MCM5: variants seen among roughly 807,000 people sequenced by gnomAD.
MCM5 encodes DNA replication licensing factor MCM5.
A neutral mutation model predicts 79.9 loss-of-function variants in MCM5; 46 were observed. The ratio of observed to expected loss-of-function variants is 0.58; its 90% confidence interval spans 0.45 to 0.74. The LOEUF is 0.74. Ranked by LOEUF, MCM5 falls within the 30% of genes least tolerant of loss-of-function variation. MCM5 has a pLI of 0.00. For missense variants in MCM5, 883 were observed against 1,017.0 expected, an observed-to-expected ratio of 0.87 and a Z score of 1.79; for synonymous variants, 404 against 390.5, an observed-to-expected ratio of 1.03 and a Z score of -0.41.
At position 35,413,607 on chromosome 22, in the gene MCM5, C is replaced by T. The variant is rs1254704319; in HGVS notation, c.1092-268C>T. Among the ~76,000 whole-genome samples, 7 of 152,154 alleles carry T rather than the reference C, an allele frequency of 4.6e-5. No homozygotes were observed. In the East Asian group the frequency reaches 9.7e-4, roughly 21 times the overall value. On this transcript the variant is annotated intron_variant, in intron 8 of 16. Coordinates refer to ENST00000216122, the MANE Select transcript of MCM5 (RefSeq NM_006739.4). ...ACGTTGCTCAGATGCTGGGTGTACC[C>T]GAGCACAGCCATAAGAGCCATTTCC...
chr22:35,405,613 C>T (rs569771897), intron 4 of MCM5, among the ~76,000 whole-genome samples: 14 of 152,196 alleles, frequency 9.2e-5, no homozygotes, highest in South Asian at 8.3e-4. Flanking sequence ...GTGATCCGTC[C>T]GCCTCGGCCT....
At chr22:35,404,943 A>G (rs913309651) in intron 4 of MCM5, among the ~76,000 whole-genome samples, 3 of 152,176 alleles carry the variant, frequency 2.0e-5, no homozygotes, top group Admixed American at 2.0e-4. Context: ...TAATTCAAAC[A>G]TTAGAATATA....
chr22:35,430,502 CTT>C, the MCM5 span, among the ~76,000 whole-genome samples: 100 of 138,722 alleles, frequency 7.2e-4, no homozygotes, highest in Non-Finnish European at 8.6e-4. Flanking sequence ...CCAGTGGGGA[CTT>C]TTTTTTTTTT....
At chr22:35,412,334 C>G (rs1343044932) in intron 7 of MCM5, among the ~76,000 whole-genome samples, 176 bp from the exon 8 acceptor site, 1 of 152,336 alleles carries the variant, frequency 6.6e-6, no homozygotes, top group South Asian at 2.1e-4. Flanking sequence ...CACACCAGGC[C>G]CATTCCTGAG....
At chr22:35,418,292 C>T (rs1932599201) in intron 13 of MCM5, among the ~76,000 whole-genome samples, 1 of 152,172 alleles carries the variant, frequency 6.6e-6, no homozygotes, top group Admixed American at 6.5e-5. Context: ...TGGCATAGCC[C>T]TGCCCTGGGT....
At chr22:35,416,427 C>T in intron 11 of MCM5, 23 bp downstream of exon 11, 1 of 1,609,920 alleles carries the variant, frequency 6.2e-7, no homozygotes, top group Non-Finnish European at 8.5e-7. Flanking sequence ...CCATGGAGAG[C>T]CCAGCCTGCA....
chr22:35,454,020 G>A, the MCM5 span, among the ~76,000 whole-genome samples: 1 of 151,852 alleles, frequency 6.6e-6, no homozygotes. Context: ...GTCAGGACAA[G>A]CAAAAGCATC....
intron 4 of MCM5, 120 bp downstream of exon 4, chr22:35,403,662 G>C (rs1281668776): frequency 1.6e-6 from 2 of 1,230,758 alleles, no homozygotes; most frequent in Non-Finnish European, 2.2e-6. Context: ...TCTCCTCCTG[G>C]AGACAAAAGG....
chr22:35,451,522 A>G, the MCM5 span, among the ~76,000 whole-genome samples: 1 of 152,216 alleles, frequency 6.6e-6, no homozygotes, highest in Non-Finnish European at 1.5e-5. Flanking sequence ...ACTCATGACA[A>G]GCCCCAGACG....
chr22:35,419,953 C>T lies in MCM5; in HGVS notation c.1773C>T (p.Ser591=), dbSNP rs374156334. 3.1e-5 allele frequency: 50 copies of T among 1,613,082 alleles called. No individual in the cohort carries two copies. The highest frequency in any genetic ancestry group is 1.8e-4 in the East Asian group (8 of 44,806). ...AGAACCGCTACATCATCATGCGGAG[C>T]GGGGCCCGTCAGCACGAGAGGGACA... ...KLKNRYIIMR[S]GARQHERDSD... is the part of the protein sequence containing the mutation. Residue 591 remains serine, a synonymous_variant, in exon 14 of 17, where the codon AGC becomes AGT. Transcript: ENST00000216122.
At chr22:35,407,543 C>G (rs964226952) in intron 5 of MCM5, among the ~76,000 whole-genome samples, 3 of 151,470 alleles carry the variant, frequency 2.0e-5, no homozygotes, top group Non-Finnish European at 2.9e-5. Context: ...TCACTGCCTC[C>G]TTCCTGTTTC....
Position 35,400,161 on chromosome 22 carries a change from C to G in MCM5, c.-56C>G, listed in dbSNP as rs1276063232. On this transcript the variant is annotated 5_prime_UTR_variant, in exon 1 of 17. Coordinates refer to ENST00000216122, the MANE Select transcript of MCM5 (RefSeq NM_006739.4). ...TTTCCCGCGAAACTCGGCGGCTGAGCGTGGAGGTTCTTGTCTCCCCTGGTT... is the reference window on the plus strand; with the variant it reads ...TTTCCCGCGAAACTCGGCGGCTGAGGGTGGAGGTTCTTGTCTCCCCTGGTT... The G allele has an allele frequency of 1.6e-5, 7 of 435,962 alleles. No individual in the cohort carries two copies. The highest frequency in any genetic ancestry group is 2.9e-5 in the Non-Finnish European group (7 of 237,942). The allele number at this position is 435,962 out of a possible 1,614,324, so 27.0% of individuals were successfully genotyped here. A position where few individuals can be genotyped will look rare whatever the true frequency, so the allele number is the denominator to read the frequency against.
intron 13 of MCM5, 78 bp from the exon 14 acceptor site, chr22:35,419,806 G>C: frequency 6.8e-7 from 1 of 1,460,958 alleles, no homozygotes. Context: ...CTGTAAGCTG[G>C]CAGGGGGCTG....
At chr22:35,441,073 AAAGT>A in the MCM5 span, among the ~76,000 whole-genome samples, 7 of 151,840 alleles carry the variant, frequency 4.6e-5, no homozygotes, top group African/African-American at 2.4e-5. Flanking sequence ...AAAAAAAAAA[AAAGT>A]AAGATCCCAG....
downstream of MCM5, among the ~76,000 whole-genome samples, chr22:35,425,896 A>G (rs1263266017): frequency 6.6e-6 from 1 of 152,116 alleles, no homozygotes; most frequent in Non-Finnish European, 1.5e-5. Flanking sequence ...ACTGAGGCTC[A>G]GAGAGTCAAG....
chr22:35,433,496 A>G, the MCM5 span, among the ~76,000 whole-genome samples: 35 of 152,136 alleles, frequency 2.3e-4, no homozygotes, highest in Non-Finnish European at 2.9e-4. Flanking sequence ...TCTTAGTCCA[A>G]TGCTCCTCTC....
At chr22:35,434,014 C>T in the MCM5 span, among the ~76,000 whole-genome samples, 288 of 152,312 alleles carry the variant, frequency 1.9e-3, 1 homozygote, top group Non-Finnish European at 3.3e-3. Context: ...TGAATGCAAA[C>T]GCACAAGACT....
the MCM5 span, among the ~76,000 whole-genome samples, chr22:35,436,797 A>G: frequency 6.6e-6 from 1 of 150,700 alleles, no homozygotes; most frequent in South Asian, 2.1e-4. Context: ...GACCTTCACA[A>G]ACAAATGAGA....
intron 7 of MCM5, 88 bp downstream of exon 7, chr22:35,410,998 G>A: frequency 3.9e-6 from 5 of 1,276,202 alleles, no homozygotes; most frequent in Non-Finnish European, 5.4e-6. Context: ...ACTTCATGAG[G>A]TAGCCCAGGA....
Sources: allele counts gnomAD v4.1 joint callset (sites outside exome capture counted in the v4.1 genomes callset), GRCh38; gene constraint gnomAD v4.1.1; transcripts MANE v1.5; gene names NCBI Gene and HGNC (gene_info 2026-07-23, HGNC 2026-07-21).